The following TNKS variants were observed in gnomAD, a reference collection of about 807,000 sequenced individuals.
TNKS encodes the protein poly [ADP-ribose] polymerase tankyrase-1.
A neutral mutation model predicts 135.8 loss-of-function variants in TNKS; 72 were observed. That is an observed-to-expected ratio of 0.53 (90% CI 0.44 to 0.64). The LOEUF is 0.64. Ranked by LOEUF, TNKS falls within the 30% of genes least tolerant of loss-of-function variation. TNKS has a pLI of 0.00. For missense variants in TNKS, 1,769 were observed against 1,674.0 expected, an observed-to-expected ratio of 1.06 and a Z score of -0.99; for synonymous variants, 849 against 649.3, an observed-to-expected ratio of 1.31 and a Z score of -4.68.
intron 2 of TNKS, among the ~76,000 whole-genome samples, chr8:9,612,570 A>T (rs907066660): frequency 1.3e-5 from 2 of 152,182 alleles, no homozygotes; most frequent in Admixed American, 6.5e-5. Context: ...TTTTTAAAAA[A>T]TCAGAAGAAG....
intron 3 of TNKS, among the ~76,000 whole-genome samples, chr8:9,635,375 G>C (rs1483915414): frequency 6.6e-6 from 1 of 152,152 alleles, no homozygotes; most frequent in African/African-American, 2.4e-5. Context: ...CGAATGGGGA[G>C]GGACACTTTC....
intron 3 of TNKS, among the ~76,000 whole-genome samples, chr8:9,678,442 G>A (rs1490988174): frequency 1.3e-5 from 2 of 152,100 alleles, no homozygotes; most frequent in African/African-American, 4.8e-5. Context: ...ACAATTTATG[G>A]GAAATTAGAA....
intron 20 of TNKS, among the ~76,000 whole-genome samples, chr8:9,752,883 T>G (rs1806622034): frequency 6.6e-6 from 1 of 151,620 alleles, no homozygotes; most frequent in Non-Finnish European, 1.5e-5. Context: ...GAAGATCATG[T>G]GAGCCCAGGA....
chr8:9,710,564 A>C (rs1005441566), intron 11 of TNKS, among the ~76,000 whole-genome samples: 2 of 152,224 alleles, frequency 1.3e-5, no homozygotes, highest in Admixed American at 6.5e-5. Flanking sequence ...AAAATAAATT[A>C]TGTTAAATGA....
At chr8:9,767,688 G>A in intron 25 of TNKS, among the ~76,000 whole-genome samples, 1 of 152,110 alleles carries the variant, frequency 6.6e-6, no homozygotes, top group Non-Finnish European at 1.5e-5. Flanking sequence ...GGCTGGGCAT[G>A]GTGGCTCACA....
At position 9,556,062 on chromosome 8, in the gene TNKS, G is replaced by T. The variant is rs908242467; in HGVS notation, c.123G>T (p.Pro41=). Residue 41 remains proline (P), a synonymous_variant, in exon 1 of 27, where the codon CCG becomes CCT. Transcript: ENST00000310430. ...CCCCACTCAGCCCTGGCCTGGCCCC[G>T]GGGACCACCCCAGCCTCTCCCACGG... ...PPPPLSPGLA[P]GTTPASPTAS... 57 of 1,607,866 alleles carry T rather than the reference G, an allele frequency of 3.5e-5. No homozygotes were observed. The highest frequency in any genetic ancestry group is 5.3e-5 in the African/African-American group (4 of 74,848).
intron 3 of TNKS, among the ~76,000 whole-genome samples, chr8:9,648,099 G>A (rs778430777): frequency 2.0e-5 from 3 of 152,204 alleles, no homozygotes; most frequent in Non-Finnish European, 4.4e-5. Flanking sequence ...ACTGGAAGTT[G>A]ACTCACTGGG....
At chr8:9,740,212 C>T (rs748739472) in intron 17 of TNKS, among the ~76,000 whole-genome samples, 8 of 152,228 alleles carry the variant, frequency 5.3e-5, no homozygotes, top group East Asian at 1.9e-4. Flanking sequence ...GCCTGGCTCA[C>T]GGCAGAAATA....
At chr8:9,649,553 A>G (rs533805271) in intron 3 of TNKS, among the ~76,000 whole-genome samples, 2 of 152,134 alleles carry the variant, frequency 1.3e-5, no homozygotes, top group East Asian at 3.9e-4. Flanking sequence ...GTAATTTCTG[A>G]GATTTTCGTG....
At chr8:9,564,376 A>T (rs1311285723) in intron 1 of TNKS, among the ~76,000 whole-genome samples, 3 of 150,630 alleles carry the variant, frequency 2.0e-5, no homozygotes, top group Admixed American at 1.3e-4. Flanking sequence ...AAATATGTTA[A>T]AAAAAAAAAT....
In TNKS at chr8:9,710,066, G is replaced by T. The variant is rs758278983; in HGVS notation, c.1670+20G>T. On this transcript the variant is annotated intron_variant, in intron 10 of 26. Transcript: ENST00000310430. Reference sequence around the variant, plus strand: ...TAAAGAGTAAGTATAATTGCAGAAGGAGTTGTTCAGTTCCTAAAGAGGAAA... The same window carrying T: ...TAAAGAGTAAGTATAATTGCAGAAGTAGTTGTTCAGTTCCTAAAGAGGAAA... 1 of 1,611,008 alleles carries T rather than the reference G, an allele frequency of 6.2e-7. No individual in the cohort carries two copies. The highest frequency in any genetic ancestry group is 1.1e-5 in the South Asian group (1 of 91,004).
chr8:9,705,217 G>C (rs1391468175), intron 6 of TNKS, among the ~76,000 whole-genome samples: 2 of 152,174 alleles, frequency 1.3e-5, no homozygotes, highest in Non-Finnish European at 2.9e-5. Context: ...AGGTTGATGT[G>C]AGGGGATATG....
chr8:9,667,964 C>G (rs919863862), intron 3 of TNKS, among the ~76,000 whole-genome samples: 4 of 151,116 alleles, frequency 2.6e-5, no homozygotes, highest in African/African-American at 7.3e-5. Flanking sequence ...AGCACTGATA[C>G]AGATAACAGA....
rs773934492 is a variant in TNKS at position 9,556,511 on chromosome 8, G to A, written c.572G>A (p.Arg191His). The A allele has an allele frequency of 6.2e-7, 1 of 1,614,126 alleles. No individual in the cohort carries two copies. The highest frequency in any genetic ancestry group is 1.7e-5 in the Admixed American group (1 of 60,026). Reference sequence around the variant, plus strand: ...CTACGGGAACTGCTGGAGGCCTGTCGCAATGGGGACGTGTCCCGGGTAAAG... The same window carrying A: ...CTACGGGAACTGCTGGAGGCCTGTCACAATGGGGACGTGTCCCGGGTAAAG... ...GALRELLEAC[R>H]NGDVSRVKRL... Residue 191 changes from arginine to histidine, a missense_variant, in exon 1 of 27, where the codon CGC (arginine) becomes CAC (histidine). Arg to His is a conservative substitution (Grantham distance 29). Around this residue, in one of 5 missense-constraint regions of TNKS, gnomAD observed 450 missense variants for 304.9 expected, o/e 1.48. Transcript: ENST00000310430.
intron 5 of TNKS, among the ~76,000 whole-genome samples, chr8:9,688,742 C>T (rs913655937): frequency 3.3e-5 from 5 of 152,100 alleles, no homozygotes; most frequent in East Asian, 1.9e-4. Flanking sequence ...TGGGTTCTAG[C>T]GATTCTCCTG....
At chr8:9,701,448 C>T (rs1034975471) in intron 5 of TNKS, among the ~76,000 whole-genome samples, 1 of 152,146 alleles carries the variant, frequency 6.6e-6, no homozygotes. Context: ...ATGTGCTATA[C>T]TAGCTTGCTG....
At chr8:9,568,072 G>T (rs1797616175) in intron 1 of TNKS, among the ~76,000 whole-genome samples, 1 of 152,184 alleles carries the variant, frequency 6.6e-6, no homozygotes. Context: ...TTATGTTGAG[G>T]ATACTCTTTT....
At chr8:9,755,016 T>C (rs1272225904) in intron 20 of TNKS, among the ~76,000 whole-genome samples, 1 of 152,184 alleles carries the variant, frequency 6.6e-6, no homozygotes, top group African/African-American at 2.4e-5. Context: ...TCCACAATAA[T>C]TGTAAAATTT....
At chr8:9,742,115 C>A (rs1056207306) in intron 17 of TNKS, among the ~76,000 whole-genome samples, 1 of 152,128 alleles carries the variant, frequency 6.6e-6, no homozygotes, top group African/African-American at 2.4e-5. Context: ...TCATCTCATC[C>A]TTGTATGGAA....
Sources: allele counts gnomAD v4.1 joint callset (sites outside exome capture counted in the v4.1 genomes callset), GRCh38; gene constraint gnomAD v4.1.1; regional missense constraint gnomAD v4.1.1; transcripts MANE v1.5; gene names NCBI Gene and HGNC (gene_info 2026-07-23, HGNC 2026-07-21).